PIP5K1B: variants seen among roughly 807,000 people sequenced by gnomAD.
PIP5K1B encodes the protein phosphatidylinositol 4-phosphate 5-kinase type-1 beta.
A neutral mutation model predicts 67.0 loss-of-function variants in PIP5K1B; 42 were observed. The observed-to-expected ratio is 0.63, with a 90% CI of 0.49 to 0.81. PIP5K1B has a LOEUF of 0.81. Among genes scored for constraint, PIP5K1B ranks in the 30% least tolerant of loss-of-function variants. The pLI, the probability that PIP5K1B is intolerant of heterozygous loss-of-function variation, is 0.00. For synonymous variants in PIP5K1B, 214 were observed against 231.4 expected (o/e 0.92, Z 0.68); for missense variants, 459 against 646.3 (o/e 0.71, Z 3.14).
rs979810026 is a variant in PIP5K1B at position 68,795,807 on chromosome 9, C to T, written c.-85-22654C>T. 9.1e-4 allele frequency among the ~76,000 whole-genome samples: 139 copies of T among 152,108 alleles called. 1 individual carries two copies. Among genetic ancestry groups the T allele is most frequent in the Non-Finnish European group, 2.2e-4 (15 of 68,006 alleles). Reference sequence around the variant, plus strand: ...TTCATTCATATTTTCATAGAGAATTCAGAAATCTGCTTTAATTTTAACACA... The same window carrying T: ...TTCATTCATATTTTCATAGAGAATTTAGAAATCTGCTTTAATTTTAACACA... On this transcript the variant is annotated intron_variant, in intron 2 of 15. Coordinates refer to ENST00000265382, the MANE Select transcript of PIP5K1B (RefSeq NM_003558.4).
intron 15 of PIP5K1B, among the ~76,000 whole-genome samples, chr9:69,001,007 C>G (rs548551579): frequency 6.6e-6 from 1 of 151,788 alleles, no homozygotes; most frequent in African/African-American, 2.4e-5. Context: ...AAGTGATTCT[C>G]GTGCCTCAGT....
chr9:69,008,977 T>C lies in PIP5K1B; in HGVS notation c.*528T>C, dbSNP rs1420601837. 1.9e-5 allele frequency: 3 copies of C among 154,904 alleles called. No individual in the cohort carries two copies. The highest frequency in any genetic ancestry group is 2.9e-5 in the Non-Finnish European group (2 of 69,324). 9.6% of individuals were successfully genotyped at this position (154,904 alleles called of 1,614,324 possible). A position where few individuals can be genotyped will look rare whatever the true frequency, so the allele number is the denominator to read the frequency against. ...CTTCACTTTATAGAAAACTAGCTTC[T>C]ATAAAGATTTTTTCACTGTTTACTA... On this transcript the variant is annotated 3_prime_UTR_variant, in exon 16 of 16. Transcript: ENST00000265382.
intron 14 of PIP5K1B, among the ~76,000 whole-genome samples, chr9:68,978,529 T>G (rs1175096957): frequency 2.5e-4 from 38 of 152,196 alleles, no homozygotes; most frequent in Admixed American, 2.5e-3. Context: ...TAAGGCACAC[T>G]TAGGTTGTTG....
At chr9:68,988,605 A>AC (rs1464313207) in intron 14 of PIP5K1B, among the ~76,000 whole-genome samples, 1 of 151,762 alleles carries the variant, frequency 6.6e-6, no homozygotes, top group East Asian at 2.0e-4. Context: ...ATGTGCCACC[A>AC]TTCCCGGCTA....
At chr9:68,985,501 C>G (rs1454809573) in intron 14 of PIP5K1B, among the ~76,000 whole-genome samples, 1 of 152,184 alleles carries the variant, frequency 6.6e-6, no homozygotes. Context: ...ATCCACCTGC[C>G]TCGGCCTCCC....
intron 1 of PIP5K1B, among the ~76,000 whole-genome samples, chr9:68,735,554 A>G (rs1412004069): frequency 1.3e-5 from 2 of 151,860 alleles, no homozygotes; most frequent in African/African-American, 2.4e-5. Context: ...ACGCCCAGCT[A>G]ATGTTTTGTA....
intron 2 of PIP5K1B, among the ~76,000 whole-genome samples, chr9:68,805,256 G>A (rs1832808835): frequency 1.3e-5 from 2 of 152,180 alleles, no homozygotes; most frequent in South Asian, 4.1e-4. Context: ...CTCAAGGGTG[G>A]GAAGAATGGT....
Position 68,961,123 on chromosome 9 carries a change from T to C in PIP5K1B, c.1502+20333T>C, listed in dbSNP as rs1199143114. Among the ~76,000 whole-genome samples the C allele has an allele frequency of 4.7e-5, 7 of 150,070 alleles. No homozygotes were observed. In the Admixed American group the frequency reaches 4.7e-4, roughly 10 times the overall value. On this transcript the variant is annotated intron_variant, in intron 14 of 15. Coordinates refer to ENST00000265382, the MANE Select transcript of PIP5K1B (RefSeq NM_003558.4). Reference sequence around the variant, plus strand: ...TACTCGGGAGGCTGAGGCAGGAGAATGGCGTGAACCCGGGAAGCGGAGCTT... The same window carrying C: ...TACTCGGGAGGCTGAGGCAGGAGAACGGCGTGAACCCGGGAAGCGGAGCTT...
chr9:68,774,608 C>T (rs964189440), intron 2 of PIP5K1B, among the ~76,000 whole-genome samples: 1 of 152,156 alleles, frequency 6.6e-6, no homozygotes, highest in African/African-American at 2.4e-5. Context: ...CCCATGTAAA[C>T]TAGCACACAT....
intron 5 of PIP5K1B, among the ~76,000 whole-genome samples, chr9:68,865,629 T>C: frequency 6.6e-6 from 1 of 152,222 alleles, no homozygotes; most frequent in East Asian, 1.9e-4. Context: ...TGACCTCTTC[T>C]ACTTCCAGTG....
At chr9:69,003,320 G>C (rs568617861) in intron 15 of PIP5K1B, among the ~76,000 whole-genome samples, 11 of 152,100 alleles carry the variant, frequency 7.2e-5, no homozygotes, top group Non-Finnish European at 1.5e-5. Context: ...CTAAGCCTAC[G>C]ATGGCCGAGA....
chr9:68,753,515 CTTTTTTTTTTTTT>C (rs71500334), intron 2 of PIP5K1B, among the ~76,000 whole-genome samples: 3 of 38,276 alleles, frequency 7.8e-5, no homozygotes, highest in Non-Finnish European at 1.3e-4. Flanking sequence ...AATTTTGTTT[CTTTTTTTTTTTTT>C]TTTTTTTTTT....
chr9:68,786,096 T>C (rs889017337), intron 2 of PIP5K1B: 2 of 152,216 alleles, frequency 1.3e-5, no homozygotes, highest in African/African-American at 4.8e-5. Flanking sequence ...TTAGAAATCT[T>C]GAGCTGTGTC....
At chr9:68,912,483 G>A (rs1420864168) in intron 8 of PIP5K1B, among the ~76,000 whole-genome samples, 2 of 152,144 alleles carry the variant, frequency 1.3e-5, no homozygotes, top group Non-Finnish European at 1.5e-5. Flanking sequence ...CATAGGGATC[G>A]ATTCTGCAGG....
chr9:68,936,242 T>G (rs1827261940), intron 13 of PIP5K1B, among the ~76,000 whole-genome samples: 1 of 152,222 alleles, frequency 6.6e-6, no homozygotes, highest in Non-Finnish European at 1.5e-5. Flanking sequence ...GTGGTGATTG[T>G]AGACAGCCTT....
intron 14 of PIP5K1B, among the ~76,000 whole-genome samples, chr9:68,963,576 A>G (rs1235618733): frequency 6.6e-6 from 1 of 152,156 alleles, no homozygotes; most frequent in African/African-American, 2.4e-5. Flanking sequence ...CATAGGTCAC[A>G]TGACCCTGTA....
At chr9:68,888,838 G>A (rs902383176) in intron 6 of PIP5K1B, 143 bp from the exon 7 acceptor site, 5 of 533,274 alleles carry the variant, frequency 9.4e-6, no homozygotes, top group Non-Finnish European at 1.3e-5. Context: ...GAGCCTTCTC[G>A]GTATACGTGG....
intron 4 of PIP5K1B, chr9:68,823,993 A>G (rs1833858675): frequency 2.2e-6 from 1 of 445,836 alleles, no homozygotes; most frequent in African/African-American, 2.0e-5. Flanking sequence ...GTGTGGTTGG[A>G]AAAGAGTTGG....
At chr9:68,954,627 T>C (rs1828290874) in intron 14 of PIP5K1B, among the ~76,000 whole-genome samples, 1 of 152,240 alleles carries the variant, frequency 6.6e-6, no homozygotes, top group Non-Finnish European at 1.5e-5. Context: ...GATTGGTATC[T>C]CATCATGAGA....
Sources: allele counts gnomAD v4.1 joint callset (sites outside exome capture counted in the v4.1 genomes callset), GRCh38; gene constraint gnomAD v4.1.1; transcripts MANE v1.5; gene names NCBI Gene and HGNC (gene_info 2026-07-23, HGNC 2026-07-21).